KCNK10: variants seen among roughly 807,000 people sequenced by gnomAD.
KCNK10 encodes potassium channel subfamily K member 10.
KCNK10 carries 25 observed loss-of-function variants against 47.7 expected under a neutral mutation model. That is an observed-to-expected ratio of 0.52 (90% CI 0.38 to 0.73). KCNK10 has a LOEUF of 0.73. Among genes scored for constraint, KCNK10 ranks in the 30% least tolerant of loss-of-function variants. The pLI is 0.00. For missense variants in KCNK10, 563 were observed against 714.5 expected, an observed-to-expected ratio of 0.79 and a Z score of 2.42; for synonymous variants, 303 against 285.6, an observed-to-expected ratio of 1.06 and a Z score of -0.61.
At chr14:88,210,764 A>G (rs908545846) in intron 4 of KCNK10, among the ~76,000 whole-genome samples, 2 of 151,892 alleles carry the variant, frequency 1.3e-5, no homozygotes, top group African/African-American at 4.8e-5. Flanking sequence ...GGGAGCAGCC[A>G]GGACTTAGAG....
intron 3 of KCNK10, among the ~76,000 whole-genome samples, chr14:88,229,666 C>T (rs1886100274): frequency 6.6e-6 from 1 of 152,178 alleles, no homozygotes; most frequent in South Asian, 2.1e-4. Context: ...AGAAAGTCAT[C>T]ATTCTTGAGT....
At chr14:88,232,909 A>G (rs574270032) in intron 3 of KCNK10, among the ~76,000 whole-genome samples, 18 of 152,366 alleles carry the variant, frequency 1.2e-4, no homozygotes, top group Admixed American at 1.1e-3. Flanking sequence ...CTAGGCAGCC[A>G]GGATGTGTGC....
At chr14:88,214,109 T>C (rs1467285639) in intron 4 of KCNK10, among the ~76,000 whole-genome samples, 1 of 151,840 alleles carries the variant, frequency 6.6e-6, no homozygotes, top group Non-Finnish European at 1.5e-5. Context: ...CTGGCTAATT[T>C]TGTATTTTTA....
At chr14:88,300,415 A>G (rs1157875729) in intron 1 of KCNK10, among the ~76,000 whole-genome samples, 2 of 152,372 alleles carry the variant, frequency 1.3e-5, no homozygotes, top group East Asian at 3.9e-4. Context: ...CAGCAAAGGC[A>G]AAGACTATGT....
At chr14:88,250,061 G>GA (rs994754727) in intron 2 of KCNK10, among the ~76,000 whole-genome samples, 10 of 151,998 alleles carry the variant, frequency 6.6e-5, no homozygotes, top group Admixed American at 5.9e-4. Context: ...TGCACATTTG[G>GA]AAAAAAATGC....
At chr14:88,274,549 T>TAAAA (rs3994047) in intron 1 of KCNK10, among the ~76,000 whole-genome samples, 4 of 40,504 alleles carry the variant, frequency 9.9e-5, no homozygotes, top group Non-Finnish European at 1.2e-4. Context: ...AGACTCTATC[T>TAAAA]AAAAAAAAAA....
chr14:88,296,643 G>A (rs1887989316), intron 1 of KCNK10, among the ~76,000 whole-genome samples: 1 of 152,172 alleles, frequency 6.6e-6, no homozygotes, highest in African/African-American at 2.4e-5. Flanking sequence ...ATAGACATGA[G>A]GCATCGGAAA....
At chr14:88,252,729 C>T (rs1037616066) in intron 2 of KCNK10, among the ~76,000 whole-genome samples, 1 of 152,172 alleles carries the variant, frequency 6.6e-6, no homozygotes, top group Non-Finnish European at 1.5e-5. Flanking sequence ...CCAATGCGCA[C>T]AGCCAATAAA....
intron 1 of KCNK10, among the ~76,000 whole-genome samples, chr14:88,273,858 G>A (rs1006836811): frequency 6.6e-6 from 1 of 152,114 alleles, no homozygotes; most frequent in African/African-American, 2.4e-5. Flanking sequence ...ACTTTATACA[G>A]GAAAGACCTT....
Position 88,240,730 on chromosome 14 carries a change from A to G in KCNK10, c.493T>C (p.Phe165Leu). ...ATGGTCGTAATGACAGTTCCAGCAA[A>G]GAAAAAGGCACTGCCGAGGTCCCAG... is the stretch of plus-strand genomic sequence containing the variant. ...SHWDLGSAFF[F>L]AGTVITTIGY... The change falls in exon 3 of 7, where the codon TTT (phenylalanine) becomes CTT (leucine). Residue 165 changes from phenylalanine to leucine, a missense_variant. Transcript: ENST00000319231. 1 of 1,613,248 alleles carries G rather than the reference A, an allele frequency of 6.2e-7. No individual in the cohort carries two copies. The highest frequency in any genetic ancestry group is 8.5e-7 in the Non-Finnish European group (1 of 1,179,182).
chr14:88,249,617 C>T (rs1350025141), intron 2 of KCNK10, among the ~76,000 whole-genome samples: 3 of 152,192 alleles, frequency 2.0e-5, no homozygotes, highest in Non-Finnish European at 4.4e-5. Context: ...GATTCTAGAG[C>T]CGGACTGCCT....
chr14:88,297,046 A>G (rs1210389950), intron 1 of KCNK10, among the ~76,000 whole-genome samples: 3 of 152,260 alleles, frequency 2.0e-5, no homozygotes, highest in Non-Finnish European at 4.4e-5. Context: ...GTAGTACAAT[A>G]GAACATTTCT....
At chr14:88,214,979 A>C (rs1885572535) in intron 4 of KCNK10, among the ~76,000 whole-genome samples, 2 of 152,246 alleles carry the variant, frequency 1.3e-5, no homozygotes, top group Non-Finnish European at 2.9e-5. Flanking sequence ...ACTCTGGGGC[A>C]GGGAGACCAA....
intron 2 of KCNK10, among the ~76,000 whole-genome samples, chr14:88,246,929 G>A (rs1382060891): frequency 2.0e-5 from 3 of 152,152 alleles, no homozygotes; most frequent in Non-Finnish European, 4.4e-5. Flanking sequence ...ATTAGTAACA[G>A]GAACCCTTTC....
intron 4 of KCNK10, among the ~76,000 whole-genome samples, chr14:88,217,706 C>T (rs993843147): frequency 6.7e-6 from 1 of 149,152 alleles, no homozygotes; most frequent in African/African-American, 2.5e-5. Context: ...AGGCACTTAC[C>T]ACCTCACCCA....
chr14:88,269,808 T>C (rs1444966382), intron 1 of KCNK10, among the ~76,000 whole-genome samples: 2 of 152,132 alleles, frequency 1.3e-5, no homozygotes, highest in East Asian at 1.9e-4. Flanking sequence ...CATTGATAGA[T>C]GAGGAAACTA....
intron 1 of KCNK10, among the ~76,000 whole-genome samples, chr14:88,271,858 T>C (rs1002314287): frequency 1.3e-5 from 2 of 151,974 alleles, no homozygotes; most frequent in African/African-American, 2.4e-5. Flanking sequence ...TCTCGGGACT[T>C]GTAAGCTCGA....
At chr14:88,230,701 G>A (rs1886135664) in intron 3 of KCNK10, among the ~76,000 whole-genome samples, 1 of 152,132 alleles carries the variant, frequency 6.6e-6, no homozygotes, top group Non-Finnish European at 1.5e-5. Flanking sequence ...AATGCTCTAA[G>A]GGACCCCACT....
chr14:88,238,520 A>T (rs1348743256), intron 3 of KCNK10, among the ~76,000 whole-genome samples: 3 of 152,158 alleles, frequency 2.0e-5, no homozygotes, highest in African/African-American at 7.2e-5. Flanking sequence ...AAAAATGTTT[A>T]AAAAATTAGC....
Sources: allele counts gnomAD v4.1 joint callset (sites outside exome capture counted in the v4.1 genomes callset), GRCh38; gene constraint gnomAD v4.1.1; transcripts MANE v1.5; gene names NCBI Gene and HGNC (gene_info 2026-07-23, HGNC 2026-07-21).